ITIH6: variants seen among roughly 807,000 people sequenced by gnomAD.
The protein encoded by ITIH6 is inter-alpha-trypsin inhibitor heavy chain family member 6, also known as inter-alpha-trypsin inhibitor heavy chain H6.
In ITIH6, 60 loss-of-function variants were observed where a neutral mutation model predicts 58.2. The observed-to-expected ratio is 1.03, with a 90% CI of 0.84 to 1.28. The LOEUF is 1.28. Among genes scored for constraint, ITIH6 ranks in the 50% most tolerant of loss-of-function variants. The pLI is 0.00. For missense variants in ITIH6, 1,290 were observed against 1,021.1 expected (o/e 1.26, Z -3.59); for synonymous variants, 493 against 417.4 (o/e 1.18, Z -2.21).
chrX:54,759,311 C>G (rs746728192), intron 7 of ITIH6, among the ~76,000 whole-genome samples: 2 of 111,451 alleles, frequency 1.8e-5, no homozygotes, highest in East Asian at 2.8e-4. Context: ...GGCTAGCACC[C>G]CCCCCTCCAA....
intron 2 of ITIH6, among the ~76,000 whole-genome samples, chrX:54,794,732 C>A (rs753191709): frequency 9.0e-6 from 1 of 111,437 alleles, no homozygotes; most frequent in Admixed American, 9.6e-5. Context: ...GAACCTCCTC[C>A]CAACTAACAG....
intron 6 of ITIH6, among the ~76,000 whole-genome samples, chrX:54,766,810 T>C (rs1217986936): frequency 4.7e-4 from 48 of 102,601 alleles, no homozygotes; most frequent in Non-Finnish European, 7.3e-4. Flanking sequence ...ATTGAGGATT[T>C]TTGCATCAAT....
chrX:54,780,859 A>G (rs748691265), intron 5 of ITIH6, among the ~76,000 whole-genome samples: 1 of 111,695 alleles, frequency 9.0e-6, no homozygotes, highest in Non-Finnish European at 1.9e-5. Context: ...TCAAAGGATC[A>G]TTAATGCCTA....
rs949668661 is a variant in ITIH6, at chrX:54,785,764, G to A, written c.786+2716C>T. Among the ~76,000 whole-genome samples, 13 of 111,914 alleles carry A rather than the reference G, an allele frequency of 1.2e-4. No homozygotes were observed. In the South Asian group the frequency reaches 2.6e-3, roughly 23 times the overall value. On this transcript the variant is annotated intron_variant, in intron 5 of 12. Coordinates refer to ENST00000218436, the MANE Select transcript of ITIH6 (RefSeq NM_198510.3). ...AAAATGATTATGCTGGTGCAGCTCA[G>A]TGGAGTGAACTGCTGGGGACTGGGG... is the stretch of plus-strand genomic sequence containing the variant.
chrX:54,783,244 G>A (rs1929179700), intron 5 of ITIH6, among the ~76,000 whole-genome samples: 1 of 112,096 alleles, frequency 8.9e-6, no homozygotes, highest in Admixed American at 9.4e-5. Context: ...ACTGAATGGG[G>A]AAAAACTGAA....
chrX:54,797,421 G>C (rs1236802180), intron 1 of ITIH6, among the ~76,000 whole-genome samples: 1 of 111,898 alleles, frequency 8.9e-6, no homozygotes, highest in Admixed American at 9.5e-5. Context: ...AGCAAGACTA[G>C]GGTGAAGGCT....
rs1300170039 is a variant in ITIH6 at position 54,788,377 on chromosome X, G to A, written c.786+103C>T. ...AGCCTATCCTTGTTCCCTAGCCCTT[G>A]CTTATCTCTAGGGAAACTGGTGTGA... On this transcript the variant is annotated intron_variant, in intron 5 of 12. Coordinates refer to ENST00000218436, the MANE Select transcript of ITIH6 (RefSeq NM_198510.3). The A allele has an allele frequency of 4.3e-6, 3 of 704,689 alleles. No homozygotes were observed. The Admixed American group carries it at 8.3e-5, about 19-fold the overall frequency. The allele number at this position is 704,689 out of a possible 1,213,427, so 58.1% of individuals were successfully genotyped here.
chrX:54,763,663 C>A (rs183530564), intron 6 of ITIH6, among the ~76,000 whole-genome samples: 1 of 112,003 alleles, frequency 8.9e-6, no homozygotes, highest in Non-Finnish European at 1.9e-5. Flanking sequence ...ATAAAGTATT[C>A]TAGAAATGTC....
chrX:54,751,580 G>C (rs890074825), intron 11 of ITIH6, among the ~76,000 whole-genome samples, 200 bp from the exon 12 acceptor site: 2 of 112,233 alleles, frequency 1.8e-5, no homozygotes, highest in Non-Finnish European at 3.8e-5. Flanking sequence ...GTGTGCACAC[G>C]CTTACCCCAG....
intron 6 of ITIH6, among the ~76,000 whole-genome samples, chrX:54,773,020 C>G (rs1376951424): frequency 8.9e-6 from 1 of 111,807 alleles, no homozygotes. Flanking sequence ...ATCCACCTAC[C>G]TCAGCTCCCC....
chrX:54,790,198 A>T (rs1278328545), intron 4 of ITIH6, among the ~76,000 whole-genome samples: 1 of 103,412 alleles, frequency 9.7e-6, no homozygotes, highest in Non-Finnish European at 2.0e-5. Context: ...ACCTGGCTGG[A>T]TGTCAATGTC....
intron 4 of ITIH6, among the ~76,000 whole-genome samples, chrX:54,789,306 A>G (rs1355577398): frequency 9.0e-6 from 1 of 111,699 alleles, no homozygotes; most frequent in African/African-American, 3.3e-5. Context: ...ACAAATGTCC[A>G]TTTAGAAATG....
At chrX:54,769,869 G>T (rs1278030638) in intron 6 of ITIH6, among the ~76,000 whole-genome samples, 3 of 102,137 alleles carry the variant, frequency 2.9e-5, no homozygotes, top group African/African-American at 1.1e-4. Context: ...GGAGCCTACA[G>T]AGGCAGGCAG....
intron 6 of ITIH6, among the ~76,000 whole-genome samples, chrX:54,767,261 C>G (rs1400506394): frequency 7.6e-5 from 8 of 105,165 alleles, no homozygotes; most frequent in South Asian, 4.2e-4. Context: ...TTTATTGTGT[C>G]TATTTGATTC....
chrX:54,788,450 T>G, intron 5 of ITIH6, 30 bp downstream of exon 5: 1 of 1,183,266 alleles, frequency 8.5e-7, no homozygotes, highest in Admixed American at 2.2e-5. Flanking sequence ...CCAGAGCCCA[T>G]CCTCTCTCCT....
chrX:54,752,595 A>G (rs902843034), intron 11 of ITIH6, among the ~76,000 whole-genome samples: 2 of 112,170 alleles, frequency 1.8e-5, no homozygotes, highest in African/African-American at 6.5e-5. Flanking sequence ...CCAACACCAT[A>G]GACATCTCAA....
chrX:54,767,136 G>T (rs1311858434), intron 6 of ITIH6, among the ~76,000 whole-genome samples: 1 of 109,500 alleles, frequency 9.1e-6, no homozygotes, highest in Non-Finnish European at 1.9e-5. Context: ...ATGCGTCGAG[G>T]AATGTATCCA....
At chrX:54,755,494 G>A (rs145437820) in intron 8 of ITIH6, among the ~76,000 whole-genome samples, 1 of 111,194 alleles carries the variant, frequency 9.0e-6, no homozygotes. Context: ...AAATAATGAG[G>A]TGACTGTGGG....
intron 8 of ITIH6, among the ~76,000 whole-genome samples, 148 bp downstream of exon 8, chrX:54,756,809 AAAGCAAGC>A (rs555076681): frequency 2.8e-4 from 30 of 108,047 alleles, no homozygotes; most frequent in South Asian, 1.2e-3. Context: ...CCAAAGTCCC[AAAGCAAGC>A]AAGCAAGCAA....
Sources: gnomAD v4.1 joint callset for allele counts (sites outside exome capture counted in the v4.1 genomes callset) on GRCh38, gnomAD v4.1.1 for gene constraint, MANE v1.5 for transcripts, NCBI Gene and HGNC (gene_info 2026-07-23, HGNC 2026-07-21) for gene names.